Variants in AKAP8L observed in about 807,000 individuals in gnomAD.
AKAP8L encodes A-kinase anchor protein 8-like.
In AKAP8L, 34 loss-of-function variants were observed where a neutral mutation model predicts 77.5. The observed-to-expected ratio is 0.44, with a 90% CI of 0.33 to 0.58. The LOEUF (loss-of-function observed/expected upper bound fraction) is 0.58. Ranked by LOEUF, AKAP8L falls within the 20% of genes least tolerant of loss-of-function variation. The pLI is 0.02. For missense variants in AKAP8L, 806 were observed against 887.6 expected (o/e 0.91, Z 1.17); for synonymous variants, 342 against 340.7 (o/e 1.00, Z -0.04).
chr19:15,400,673 A>G (rs892153951), intron 7 of AKAP8L, 121 bp downstream of exon 7: 17 of 1,249,992 alleles, frequency 1.4e-5, no homozygotes, highest in Admixed American at 5.9e-5. Flanking sequence ...CTGCCTCCCC[A>G]TGCTGGTCAC....
intron 12 of AKAP8L, among the ~76,000 whole-genome samples, chr19:15,393,700 C>T (rs1967710666): frequency 6.6e-6 from 1 of 152,106 alleles, no homozygotes; most frequent in African/African-American, 2.4e-5. Flanking sequence ...ACAGGGGGAT[C>T]ACCTGAGGTC....
At chr19:15,391,341 C>T (rs1398645388) in intron 12 of AKAP8L, among the ~76,000 whole-genome samples, 1 of 148,580 alleles carries the variant, frequency 6.7e-6, no homozygotes, top group Non-Finnish European at 1.5e-5. Flanking sequence ...ACCTGTAGTC[C>T]CAGCTACTTG....
At chr19:15,412,120 A>G (rs1968116462) in intron 1 of AKAP8L, among the ~76,000 whole-genome samples, 1 of 152,196 alleles carries the variant, frequency 6.6e-6, no homozygotes. Flanking sequence ...AGGCAGGAGA[A>G]TCGCTTGAAC....
Position 15,397,780 on chromosome 19 carries a change from C to A in AKAP8L, c.1233G>T (p.Lys411Asn), listed in dbSNP as rs775271699. Residue 411 changes from lysine (K) to asparagine (N), a missense_variant, in exon 10 of 14, where the codon AAG becomes AAT. Lys to Asn is a moderately conservative substitution (Grantham distance 94). Around this residue, in one of 2 missense-constraint regions of AKAP8L, gnomAD observed 580 missense variants for 694.1 expected, o/e 0.84. Transcript: ENST00000397410. This position sits in a 1 kb window ranked among gnomAD's most constrained non-coding sequence, Gnocchi z 4.7. The stretch of plus-strand genomic sequence containing the variant: ...CGTACTTAAAGTGTTCCTTGTGGAA[C>A]TTGCTGTCAAGATGGCTGGCCATCT... ...EDEMASHLDS[K>N]FHKEHFKYVG... is the part of the protein sequence containing the mutation. 31 of 1,613,898 alleles carry A rather than the reference C, an allele frequency of 1.9e-5. No homozygotes were observed. The highest frequency in any genetic ancestry group is 2.5e-5 in the Non-Finnish European group (30 of 1,179,902).
At position 15,403,706 on chromosome 19, in the gene AKAP8L, C is replaced by G. The variant is rs774395922; in HGVS notation, c.131G>C (p.Gly44Ala). 4 of 1,580,606 alleles carry G rather than the reference C, an allele frequency of 2.5e-6. No homozygotes were observed. In the South Asian group the frequency reaches 4.6e-5, roughly 18 times the overall value. The change falls in exon 4 of 14, where the codon GGC becomes GCC. Residue 44 changes from glycine to alanine, a missense_variant. Transcript: ENST00000397410. This position sits in a 1 kb window ranked among gnomAD's most constrained non-coding sequence, Gnocchi z 4.3. Reference sequence around the variant, plus strand: ...GCCATAGCCATAGCCATAGCCATAGCCCTCGTAGCCTGCAGTGAGGGAGAC... The same window carrying G: ...GCCATAGCCATAGCCATAGCCATAGGCCTCGTAGCCTGCAGTGAGGGAGAC... ...WNSGTNRGYE[G>A]YGYGYGYGQD...
chr19:15,404,001 GA>G lies in AKAP8L; in HGVS notation c.121+8del. Reference sequence around the variant, plus strand: ...GGGACAGGACAGCAATCACAGGAATGACACTTGCCTCTATTTGTCCCAGAGT... The same window carrying G: ...GGGACAGGACAGCAATCACAGGAATGCACTTGCCTCTATTTGTCCCAGAGT... On this transcript the variant is annotated splice_region_variant and intron_variant, in intron 3 of 13. Transcript: ENST00000397410. 1 of 1,613,810 alleles carries G rather than the reference GA, an allele frequency of 6.2e-7. No homozygotes were observed. Among genetic ancestry groups the G allele is most frequent in the South Asian group, 1.1e-5 (1 of 91,072 alleles).
chr19:15,398,836 C>T lies in AKAP8L; in HGVS notation c.1157+466G>A, dbSNP rs1383739402. ...GCAGACAGGCCCGGCCTGACAGGGC[C>T]GGCGGGCAGGGCAGAAGGCAGGCCC... On this transcript the variant is annotated intron_variant, in intron 9 of 13. Transcript: ENST00000397410. This position sits in a 1 kb window ranked among gnomAD's most constrained non-coding sequence, Gnocchi z 9.2. 2 of 1,014,544 alleles carry T rather than the reference C, an allele frequency of 2.0e-6. No homozygotes were observed. Among genetic ancestry groups the T allele is most frequent in the Non-Finnish European group, 2.4e-6 (2 of 846,786 alleles). The allele number at this position is 1,014,544 out of a possible 1,614,324, so 62.8% of individuals were successfully genotyped here.
Position 15,380,083 on chromosome 19 carries a change from A to G in AKAP8L, c.*39T>C. The G allele has an allele frequency of 6.9e-7, 1 of 1,443,438 alleles. No individual in the cohort carries two copies. The highest frequency in any genetic ancestry group is 9.0e-7 in the Non-Finnish European group (1 of 1,110,660). The allele number at this position is 1,443,438 out of a possible 1,614,324, so 89.4% of individuals were successfully genotyped here. ...GAAAACTTTATTAGGTTTGGTTTCC[A>G]GCTTCGGCCACGCGGGCTCCGCCCG... On this transcript the variant is annotated 3_prime_UTR_variant, in exon 14 of 14. Transcript: ENST00000397410.
At position 15,403,017 on chromosome 19, in the gene AKAP8L, T is replaced by C. The variant is rs1315233070; in HGVS notation, c.362+458A>G. On this transcript the variant is annotated intron_variant, in intron 4 of 13. Transcript: ENST00000397410. The surrounding 1 kb of genome is among the most constrained non-coding windows in gnomAD (Gnocchi z 4.3). Reference sequence around the variant, plus strand: ...AAGGCACAGGAGAGTAACCAGGAAATGCCCACACCTGCCCCGACCCTTACG... The same window carrying C: ...AAGGCACAGGAGAGTAACCAGGAAACGCCCACACCTGCCCCGACCCTTACG... Among the ~76,000 whole-genome samples the C allele has an allele frequency of 6.6e-6, 1 of 152,070 alleles. No individual in the cohort carries two copies. Among genetic ancestry groups the C allele is most frequent in the African/African-American group, 2.4e-5 (1 of 41,402 alleles).
At chr19:15,387,763 A>G (rs1282632833) in intron 12 of AKAP8L, among the ~76,000 whole-genome samples, 1 of 152,228 alleles carries the variant, frequency 6.6e-6, no homozygotes, top group African/African-American at 2.4e-5. Context: ...GTTCGAGACC[A>G]GCCTGGCCAA....
intron 2 of AKAP8L, among the ~76,000 whole-genome samples, chr19:15,407,956 C>A (rs1019668320): frequency 6.6e-6 from 1 of 152,142 alleles, no homozygotes; most frequent in African/African-American, 2.4e-5. Context: ...AAAGAACAAA[C>A]CTGGAGGACT....
chr19:15,406,631 TA>T (rs1386224462), intron 2 of AKAP8L, among the ~76,000 whole-genome samples: 1 of 151,924 alleles, frequency 6.6e-6, no homozygotes, highest in Non-Finnish European at 1.5e-5. Context: ...CATGCCCAGC[TA>T]ATTTTTTCTA....
intron 1 of AKAP8L, chr19:15,417,571 A>C (rs1968229820): frequency 6.6e-6 from 1 of 152,196 alleles, no homozygotes; most frequent in Non-Finnish European, 1.5e-5. Context: ...TCACCCCTGG[A>C]TGAGAACCCA....
Position 15,403,545 on chromosome 19 carries a change from G to A in AKAP8L, c.292C>T (p.Arg98Cys), listed in dbSNP as rs1284132473. 3.7e-6 allele frequency: 6 copies of A among 1,613,822 alleles called. No homozygotes were observed. The highest frequency in any genetic ancestry group is 3.3e-5 in the Admixed American group (2 of 59,998). The change falls in exon 4 of 14, where the codon CGC (arginine) becomes TGC (cysteine). Residue 98 changes from arginine to cysteine, a missense_variant. By Grantham distance (180) the Arg-to-Cys change is radical. Transcript: ENST00000397410. This position sits in a 1 kb window ranked among gnomAD's most constrained non-coding sequence, Gnocchi z 4.3. ...TCCAAATGCGGCACCATATCTAAGC[G>A]CTGGTTAATTCTGGATAAAACGGAA... ...ADSVLSRINQ[R>C]LDMVPHLETD...
chr19:15,418,859 C>G, intron 1 of AKAP8L, 52 bp downstream of exon 1: 2 of 1,547,028 alleles, frequency 1.3e-6, no homozygotes, highest in Middle Eastern at 1.9e-4. Flanking sequence ...GGCATCCGCA[C>G]GTCCCTGTCC....
At chr19:15,390,602 C>T (rs1377689652) in intron 12 of AKAP8L, among the ~76,000 whole-genome samples, 1 of 151,844 alleles carries the variant, frequency 6.6e-6, no homozygotes, top group East Asian at 1.9e-4. Flanking sequence ...AACCTGATAC[C>T]CAAACCAGAC....
At chr19:15,406,629 G>C (rs2145141413) in intron 2 of AKAP8L, among the ~76,000 whole-genome samples, 1 of 151,904 alleles carries the variant, frequency 6.6e-6, no homozygotes, top group East Asian at 2.0e-4. Flanking sequence ...ACCATGCCCA[G>C]CTAATTTTTT....
intron 12 of AKAP8L, among the ~76,000 whole-genome samples, chr19:15,393,011 T>C (rs1175403338): frequency 6.6e-6 from 1 of 152,012 alleles, no homozygotes; most frequent in Admixed American, 6.6e-5. Flanking sequence ...ACATCCCATA[T>C]TCATGGATTA....
At position 15,403,422 on chromosome 19, in the gene AKAP8L, C is replaced by A; in HGVS notation, c.362+53G>T. 1.3e-6 allele frequency: 2 copies of A among 1,538,054 alleles called. No individual in the cohort carries two copies. Among genetic ancestry groups the A allele is most frequent in the Non-Finnish European group, 1.8e-6 (2 of 1,112,990 alleles). ...TCAGAGAGGAAAACGCAGTGGGCAG[C>A]AGGCAGGAGCCGCCCCTGCAGAGTC... On this transcript the variant is annotated intron_variant, in intron 4 of 13. Transcript: ENST00000397410. This position sits in a 1 kb window ranked among gnomAD's most constrained non-coding sequence, Gnocchi z 4.3.
Sources: gnomAD v4.1 joint callset for allele counts (sites outside exome capture counted in the v4.1 genomes callset) on GRCh38, gnomAD v4.1.1 for gene constraint, gnomAD v4.1.1 regional missense constraint, Gnocchi (gnomAD v3.1) non-coding constraint, MANE v1.5 for transcripts, NCBI Gene and HGNC (gene_info 2026-07-23, HGNC 2026-07-21) for gene names.